Variants in TLN2 observed in about 807,000 individuals in gnomAD.
TLN2 encodes the protein talin-2.
A neutral mutation model predicts 294.7 loss-of-function variants in TLN2; 118 were observed. The ratio of observed to expected loss-of-function variants is 0.40; its 90% CI spans 0.34 to 0.47. The LOEUF (loss-of-function observed/expected upper bound fraction) is 0.47, where lower values mean the gene tolerates loss of function less well. Ranked by LOEUF, TLN2 falls within the 20% of genes least tolerant of loss-of-function variation. The pLI is 0.84. For synonymous variants in TLN2, 1,431 were observed against 1,304.5 expected (o/e 1.10, Z -2.09); for missense variants, 3,083 against 3,282.2 (o/e 0.94, Z 1.48).
intron 3 of TLN2, among the ~76,000 whole-genome samples, chr15:62,627,523 A>G (rs1024594213): frequency 2.9e-4 from 44 of 152,240 alleles, no homozygotes; most frequent in African/African-American, 9.6e-4. Context: ...GATTCATCAT[A>G]TACAGAATTA....
chr15:62,626,750 G>A (rs1230603765), intron 3 of TLN2, among the ~76,000 whole-genome samples: 1 of 152,134 alleles, frequency 6.6e-6, no homozygotes, highest in East Asian at 1.9e-4. Context: ...CTCTTATTAA[G>A]GGCCCATTTA....
intron 3 of TLN2, among the ~76,000 whole-genome samples, chr15:62,631,687 GTCTT>G (rs1172376393): frequency 8.6e-5 from 10 of 116,024 alleles, no homozygotes; most frequent in African/African-American, 1.7e-4. Context: ...CTCTCTTTCT[GTCTT>G]TCTTTCTTTC....
intron 41 of TLN2, among the ~76,000 whole-genome samples, chr15:62,767,436 G>A (rs2063080627): frequency 6.6e-6 from 1 of 151,708 alleles, no homozygotes; most frequent in East Asian, 1.9e-4. Context: ...CCGCCTCCCG[G>A]GTTCAGTCAA....
At chr15:62,629,660 A>G (rs948094757) in intron 3 of TLN2, among the ~76,000 whole-genome samples, 2 of 152,158 alleles carry the variant, frequency 1.3e-5, no homozygotes, top group Non-Finnish European at 2.9e-5. Flanking sequence ...TTTTGTTTGC[A>G]AGAGTGTGAC....
chr15:62,690,091 G>A (rs1370546613), intron 12 of TLN2, among the ~76,000 whole-genome samples: 4 of 98,392 alleles, frequency 4.1e-5, no homozygotes, highest in South Asian at 3.5e-4. Flanking sequence ...CCGGCCGGGC[G>A]GGGGGCTGAC....
intron 9 of TLN2, 55 bp from the exon 10 acceptor site, chr15:62,673,772 C>T: frequency 7.1e-7 from 1 of 1,408,452 alleles, no homozygotes; most frequent in South Asian, 1.2e-5. Context: ...CTTTGCTTTG[C>T]TTCTCATCAT....
intron 1 of TLN2, among the ~76,000 whole-genome samples, chr15:62,578,033 T>C (rs1179287316): frequency 6.6e-6 from 1 of 152,204 alleles, no homozygotes; most frequent in African/African-American, 2.4e-5. Flanking sequence ...TCATCCTTTT[T>C]TATGGCTGCA....
chr15:62,563,841 A>G (rs1037493678), intron 1 of TLN2, among the ~76,000 whole-genome samples: 1 of 152,082 alleles, frequency 6.6e-6, no homozygotes, highest in Non-Finnish European at 1.5e-5. Context: ...CATGAACTCT[A>G]TGGGTGAAAG....
chr15:62,773,894 C>T (rs17740780), intron 42 of TLN2, among the ~76,000 whole-genome samples: 30,455 of 151,988 alleles, frequency 0.2, 3,347 homozygotes, highest in East Asian at 0.25. Context: ...AAGCGGCAGC[C>T]CAGAACCTGG....
rs760817577 is a variant in TLN2, at chr15:62,792,698, G to C, written c.5794G>C (p.Val1932Leu). The change falls in exon 46 of 59, where the codon GTG (valine) becomes CTG (leucine). Residue 1932 changes from valine to leucine, a missense_variant. Transcript: ENST00000636159. ...QDLGHGCIFL[V>L]QKAGALQVCP... ...CCTGGGCCACGGCTGTATCTTCCTG[G>C]TGCAGAAGGCAGGGGCCCTCCAGGT... 1 of 1,614,006 alleles carries C rather than the reference G, an allele frequency of 6.2e-7. No individual in the cohort carries two copies. The highest frequency in any genetic ancestry group is 8.5e-7 in the Non-Finnish European group (1 of 1,180,048).
intron 1 of TLN2, among the ~76,000 whole-genome samples, chr15:62,394,124 C>A (rs999751570): frequency 7.2e-5 from 11 of 152,128 alleles, no homozygotes; most frequent in Admixed American, 7.2e-4. Context: ...AAAATTCTTG[C>A]ATTTTTTTCC....
intron 1 of TLN2, among the ~76,000 whole-genome samples, chr15:62,435,219 G>C (rs12898508): frequency 0.38 from 57,704 of 152,028 alleles, 11,187 homozygotes; most frequent in Middle Eastern, 0.56. Flanking sequence ...TAGTGCTGCA[G>C]TGAACATACG....
At chr15:62,656,221 G>A (rs1338876459) in intron 8 of TLN2, 135 bp downstream of exon 8, 2 of 1,118,768 alleles carry the variant, frequency 1.8e-6, no homozygotes, top group African/African-American at 1.6e-5. Context: ...GCTGCTCGTG[G>A]GTCCCCGCAT....
intron 2 of TLN2, among the ~76,000 whole-genome samples, chr15:62,597,934 C>G (rs550773776): frequency 6.6e-6 from 1 of 152,280 alleles, no homozygotes. Flanking sequence ...CTTGTGGTGT[C>G]TTGGCAACAC....
chr15:62,436,281 A>T (rs768304165), intron 1 of TLN2, among the ~76,000 whole-genome samples: 4 of 152,214 alleles, frequency 2.6e-5, no homozygotes, highest in African/African-American at 7.2e-5. Context: ...TCCTATGCTC[A>T]GGAGCTCATG....
chr15:62,656,142 C>T (rs1246493734), intron 8 of TLN2, 56 bp downstream of exon 8: 1 of 1,598,448 alleles, frequency 6.3e-7, no homozygotes, highest in Non-Finnish European at 8.6e-7. Context: ...AAGCTCCTGG[C>T]TGTATCTTGT....
intron 1 of TLN2, among the ~76,000 whole-genome samples, chr15:62,545,004 A>T (rs2041910913): frequency 6.6e-6 from 1 of 151,220 alleles, no homozygotes; most frequent in South Asian, 2.1e-4. Flanking sequence ...ATCTCGGCTC[A>T]CTGCAAGCTC....
chr15:62,503,835 C>G (rs1361443129), intron 1 of TLN2, among the ~76,000 whole-genome samples: 1 of 152,230 alleles, frequency 6.6e-6, no homozygotes, highest in Admixed American at 6.5e-5. Context: ...GGTCCTGGAG[C>G]TGGGCTCACA....
intron 1 of TLN2, among the ~76,000 whole-genome samples, chr15:62,479,367 C>A (rs573728029): frequency 3.3e-4 from 50 of 152,292 alleles, no homozygotes; most frequent in Non-Finnish European, 6.3e-4. Flanking sequence ...GTGTACTTAC[C>A]CTGGCTACTC....
Sources: allele counts gnomAD v4.1 joint callset (sites outside exome capture counted in the v4.1 genomes callset), GRCh38; gene constraint gnomAD v4.1.1; transcripts MANE v1.5; gene names NCBI Gene and HGNC (gene_info 2026-07-23, HGNC 2026-07-21).